PCCA: variants seen among roughly 807,000 people sequenced by gnomAD.
PCCA encodes the protein propionyl-CoA carboxylase subunit alpha.
A neutral mutation model predicts 101.3 loss-of-function variants in PCCA; 74 were observed. The ratio of observed to expected loss-of-function variants is 0.73; its 90% CI spans 0.61 to 0.89. PCCA has a LOEUF of 0.89. Among genes scored for constraint, PCCA ranks in the 40% least tolerant of loss-of-function variants. The probability of loss-of-function intolerance (pLI) is 0.00; values close to 1 mark genes in which losing one functional copy is unlikely to be tolerated. For missense variants in PCCA, 891 were observed against 907.0 expected (o/e 0.98, Z 0.23); for synonymous variants, 294 against 313.6 (o/e 0.94, Z 0.66).
chr13:100,239,708 T>C (rs1049498722), intron 8 of PCCA, among the ~76,000 whole-genome samples: 10 of 152,170 alleles, frequency 6.6e-5, no homozygotes, highest in Admixed American at 6.5e-4. Flanking sequence ...CAAGTCAAAA[T>C]TGATTCTTGA....
chr13:100,496,099 T>C (rs1192960033), intron 21 of PCCA, among the ~76,000 whole-genome samples: 5 of 152,224 alleles, frequency 3.3e-5, no homozygotes, highest in African/African-American at 9.7e-5. Flanking sequence ...CATTCCCTTA[T>C]GGAACTGCAA....
At chr13:100,451,927 C>G (rs866795023) in intron 21 of PCCA, among the ~76,000 whole-genome samples, 1 of 3,088 alleles carries the variant, frequency 3.2e-4, no homozygotes, top group African/African-American at 8.8e-4. Flanking sequence ...CCTCTCTCTC[C>G]TCTCCCTCTC....
intron 16 of PCCA, among the ~76,000 whole-genome samples, chr13:100,321,390 G>T (rs2068013062): frequency 6.6e-6 from 1 of 151,990 alleles, no homozygotes; most frequent in South Asian, 2.1e-4. Context: ...CTAAACAAAA[G>T]CAACGCCACA....
At chr13:100,450,465 A>G (rs1024555515) in intron 21 of PCCA, among the ~76,000 whole-genome samples, 3 of 151,746 alleles carry the variant, frequency 2.0e-5, no homozygotes, top group Non-Finnish European at 2.9e-5. Flanking sequence ...ATATTTCTCC[A>G]TGTATTCATT....
rs1304910705 is a variant in PCCA at position 100,512,725 on chromosome 13, G to A, written c.1900-2702G>A. Among the ~76,000 whole-genome samples, 8 of 152,192 alleles carry A rather than the reference G, an allele frequency of 5.3e-5. No homozygotes were observed. In the East Asian group the frequency reaches 1.3e-3, roughly 26 times the overall value. Reference sequence around the variant, plus strand: ...ACTCTGTCCTGTCCACAAGCCTTCAGAGTCTTGGATTCCTACCCTCAAACA... The same window carrying A: ...ACTCTGTCCTGTCCACAAGCCTTCAAAGTCTTGGATTCCTACCCTCAAACA... On this transcript the variant is annotated intron_variant, in intron 21 of 23. Transcript: ENST00000376285.
intron 21 of PCCA, among the ~76,000 whole-genome samples, chr13:100,468,236 A>T (rs1235085214): frequency 6.6e-6 from 1 of 152,212 alleles, no homozygotes; most frequent in Middle Eastern, 3.2e-3. Flanking sequence ...GTCCTAGAGT[A>T]CAGGTAGGGT....
intron 9 of PCCA, among the ~76,000 whole-genome samples, chr13:100,260,069 A>T (rs886917696): frequency 6.6e-6 from 1 of 152,128 alleles, no homozygotes; most frequent in Non-Finnish European, 1.5e-5. Flanking sequence ...ATTATAGTGG[A>T]GGCAAACTGT....
At chr13:100,417,118 C>T (rs909238608) in intron 19 of PCCA, among the ~76,000 whole-genome samples, 10 of 152,056 alleles carry the variant, frequency 6.6e-5, no homozygotes, top group Non-Finnish European at 2.9e-5. Context: ...GCTGGGATTA[C>T]AGGCGTGAGC....
intron 21 of PCCA, among the ~76,000 whole-genome samples, chr13:100,513,962 TCCC>T (rs2086656836): frequency 6.6e-6 from 1 of 152,088 alleles, no homozygotes; most frequent in South Asian, 2.1e-4. Context: ...CTCCACACCT[TCCC>T]CCATTGATTT....
At chr13:100,099,312 A>G (rs1450178723) in intron 1 of PCCA, among the ~76,000 whole-genome samples, 1 of 149,334 alleles carries the variant, frequency 6.7e-6, no homozygotes, top group Admixed American at 6.7e-5. Context: ...GGTGCTATCT[A>G]ATCTTTTTTT....
intron 18 of PCCA, among the ~76,000 whole-genome samples, chr13:100,358,100 G>A (rs191162282): frequency 6.6e-6 from 1 of 152,284 alleles, no homozygotes; most frequent in East Asian, 1.9e-4. Flanking sequence ...ACCCTGGAAG[G>A]ACCATGCCTT....
chr13:100,437,242 A>C (rs893966431), intron 20 of PCCA, among the ~76,000 whole-genome samples: 1 of 152,138 alleles, frequency 6.6e-6, no homozygotes, highest in Non-Finnish European at 1.5e-5. Context: ...CACCTGCTTT[A>C]AGTACGCTGC....
chr13:100,327,364 A>C (rs974584583), intron 16 of PCCA, among the ~76,000 whole-genome samples: 13 of 152,098 alleles, frequency 8.5e-5, no homozygotes, highest in African/African-American at 3.1e-4. Context: ...ACTCAGCATA[A>C]TTATTTTTAG....
rs1367564096 is a variant in PCCA, at chr13:100,373,099, C to CA, written c.1746+4531dup. Among the ~76,000 whole-genome samples, 105 of 152,072 alleles carry CA rather than the reference C, an allele frequency of 6.9e-4. 1 individual carries two copies. The highest frequency in any genetic ancestry group is 7.4e-5 in the Non-Finnish European group (5 of 67,956). On this transcript the variant is annotated intron_variant, in intron 19 of 23. Transcript: ENST00000376285. ...ATAAAGAAATTTTTCAACTCAATAACAAAAAACAATTAAAAATGGGCAAAG... is the reference window on the plus strand; with the variant it reads ...ATAAAGAAATTTTTCAACTCAATAACAAAAAAACAATTAAAAATGGGCAAAG...
chr13:100,316,242 T>C (rs1773530230), intron 16 of PCCA, among the ~76,000 whole-genome samples: 1 of 152,218 alleles, frequency 6.6e-6, no homozygotes, highest in Non-Finnish European at 1.5e-5. Context: ...ATATTTTATT[T>C]AGAAAACATT....
intron 7 of PCCA, among the ~76,000 whole-genome samples, chr13:100,230,342 G>C (rs1196348301): frequency 6.6e-6 from 1 of 152,070 alleles, no homozygotes; most frequent in Non-Finnish European, 1.5e-5. Context: ...TCAGGAGTTA[G>C]AGATCAGCCT....
At chr13:100,099,211 GAA>G (rs2047045031) in intron 1 of PCCA, among the ~76,000 whole-genome samples, 2 of 151,916 alleles carry the variant, frequency 1.3e-5, no homozygotes, top group Non-Finnish European at 2.9e-5. Context: ...GGTTTTGGCA[GAA>G]ATAGTGTTCA....
At chr13:100,137,467 G>A (rs566898538) in intron 4 of PCCA, among the ~76,000 whole-genome samples, 2 of 152,202 alleles carry the variant, frequency 1.3e-5, no homozygotes, top group South Asian at 4.2e-4. Flanking sequence ...CTGGGTTATT[G>A]TCTGTTTCTC....
intron 16 of PCCA, among the ~76,000 whole-genome samples, chr13:100,316,932 C>T (rs555825659): frequency 6.6e-6 from 1 of 152,056 alleles, no homozygotes; most frequent in African/African-American, 2.4e-5. Context: ...CGCCACCACA[C>T]CTAGCTAATT....
Sources: gnomAD v4.1 joint callset for allele counts (sites outside exome capture counted in the v4.1 genomes callset) on GRCh38, gnomAD v4.1.1 for gene constraint, MANE v1.5 for transcripts, NCBI Gene and HGNC (gene_info 2026-07-23, HGNC 2026-07-21) for gene names.